MADCAM1: variants seen among roughly 807,000 people sequenced by gnomAD.
MADCAM1 encodes the protein mucosal addressin cell adhesion molecule 1.
A neutral mutation model predicts 26.1 loss-of-function variants in MADCAM1; 19 were observed. The observed-to-expected ratio is 0.73, with a 90% CI of 0.51 to 1.07. The LOEUF is 1.07. Ranked by LOEUF, MADCAM1 falls within the 50% of genes least tolerant of loss-of-function variation. MADCAM1 has a pLI of 0.00. For synonymous variants in MADCAM1, 268 were observed against 260.9 expected, an observed-to-expected ratio of 1.03 and a Z score of -0.26; for missense variants, 514 against 542.1, an observed-to-expected ratio of 0.95 and a Z score of 0.51.
At chr19:503,362 A>G (rs1227269040) in intron 4 of MADCAM1, among the ~76,000 whole-genome samples, 1 of 151,094 alleles carries the variant, frequency 6.6e-6, no homozygotes, top group South Asian at 2.1e-4. Flanking sequence ...CGGGCGGATC[A>G]CGAGGTCAGG....
chr19:500,307 G>C (rs1195153072), intron 3 of MADCAM1: 2 of 395,372 alleles, frequency 5.1e-6, no homozygotes, highest in Non-Finnish European at 1.0e-5. Context: ...TTGCCAGTGA[G>C]TGGGGGACCT....
At chr19:503,401 G>GA (rs1372746273) in intron 4 of MADCAM1, among the ~76,000 whole-genome samples, 4 of 151,420 alleles carry the variant, frequency 2.6e-5, no homozygotes, top group Non-Finnish European at 2.9e-5. Flanking sequence ...CTAACACGGT[G>GA]AAACCCCGTC....
At chr19:499,154 A>T (rs2145818651) in intron 3 of MADCAM1, 4 of 557,560 alleles carry the variant, frequency 7.2e-6, no homozygotes, top group South Asian at 6.1e-5. Context: ...CCCCCTCCTC[A>T]TTCTGCTGCA....
At chr19:496,609 AGGAGGGGGCTCAGGAGAGG>A (rs1976573007) in intron 1 of MADCAM1, 58 bp downstream of exon 1, 9 of 606,312 alleles carry the variant, frequency 1.5e-5, no homozygotes, top group African/African-American at 4.3e-5. Context: ...CTCAGGAGAG[AGGAGGGGGCTCAGGAGAGG>A]GGAGGGGGCT....
chr19:504,191 T>A (rs1221486949), intron 4 of MADCAM1, among the ~76,000 whole-genome samples: 1 of 151,884 alleles, frequency 6.6e-6, no homozygotes, highest in African/African-American at 2.4e-5. Context: ...GACTAAGTCT[T>A]CAAAGTGCAG....
chr19:500,870 A>G (rs896602006), intron 3 of MADCAM1, among the ~76,000 whole-genome samples: 1 of 151,372 alleles, frequency 6.6e-6, no homozygotes, highest in Non-Finnish European at 1.5e-5. Context: ...ACTCCATCTC[A>G]ACAACAACAA....
At chr19:502,168 T>G (rs1978380956) in intron 4 of MADCAM1, among the ~76,000 whole-genome samples, 1 of 152,224 alleles carries the variant, frequency 6.6e-6, no homozygotes, top group Non-Finnish European at 1.5e-5. Flanking sequence ...TCCAGTGGGC[T>G]TCTCTTAACT....
chr19:497,977 G>T lies in MADCAM1; in HGVS notation c.197G>T (p.Ser66Ile). The T allele has an allele frequency of 6.7e-7, 1 of 1,497,936 alleles. No homozygotes were observed. Among genetic ancestry groups the T allele is most frequent in the Non-Finnish European group, 8.9e-7 (1 of 1,129,940 alleles). 92.8% of individuals were successfully genotyped at this position (1,497,936 alleles called of 1,614,324 possible). A position where few individuals can be genotyped will look rare whatever the true frequency, so the allele number is the denominator to read the frequency against. Residue 66 changes from serine (S) to isoleucine (I), a missense_variant, in exon 2 of 5, where the codon AGC (serine) becomes ATC (isoleucine). By Grantham distance (142) the Ser-to-Ile change is moderately radical (BLOSUM62 -2). Coordinates refer to ENST00000215637, the MANE Select transcript of MADCAM1 (RefSeq NM_130760.3). ...GTGCAGTGGCGGGGCCTGGACACCA[G>T]CCTGGGCGCGGTGCAGTCGGACACG... ...ASVQWRGLDTSLGAVQSDTGR... is the reference protein window; with the variant it reads ...ASVQWRGLDTILGAVQSDTGR...
At chr19:504,503 C>T (rs1161465031) in intron 4 of MADCAM1, among the ~76,000 whole-genome samples, 2 of 152,174 alleles carry the variant, frequency 1.3e-5, no homozygotes, top group Non-Finnish European at 2.9e-5. Context: ...CGTGATCCAC[C>T]CGCTTTGGCC....
chr19:505,233 A>G lies in MADCAM1; in HGVS notation c.*268A>G, dbSNP rs993031519. 2.0e-5 allele frequency: 8 copies of G among 392,682 alleles called. No homozygotes were observed. The highest frequency in any genetic ancestry group is 3.6e-5 in the Non-Finnish European group (8 of 219,548). 24.3% of individuals were successfully genotyped at this position (392,682 alleles called of 1,614,324 possible). A position where few individuals can be genotyped will look rare whatever the true frequency, so the allele number is the denominator to read the frequency against. On this transcript the variant is annotated 3_prime_UTR_variant, in exon 5 of 5. Coordinates refer to ENST00000215637, the MANE Select transcript of MADCAM1 (RefSeq NM_130760.3). ...ACGTACTTTTTACATACATTGATTC[A>G]TGTCTCACGTCTCCCTAAAAATGCG...
intron 4 of MADCAM1, 97 bp downstream of exon 4, chr19:502,026 C>A: frequency 7.8e-7 from 1 of 1,279,898 alleles, no homozygotes; most frequent in Non-Finnish European, 1.0e-6. Flanking sequence ...CCTGCCCAGC[C>A]TTGGTTTCCC....
At chr19:498,248 G>C in intron 2 of MADCAM1, 131 bp downstream of exon 2, 1 of 1,023,206 alleles carries the variant, frequency 9.8e-7, no homozygotes, top group Non-Finnish European at 1.3e-6. Flanking sequence ...CCGAAGCCAG[G>C]TCCCCGGCCT....
rs1332516605 is a variant in MADCAM1, at chr19:498,734, G to A, written c.576G>A (p.Pro192=). The change falls in exon 3 of 5, where the codon CCG becomes CCA. Residue 192 remains proline (P), a synonymous_variant. Coordinates refer to ENST00000215637, the MANE Select transcript of MADCAM1 (RefSeq NM_130760.3). ...LFRVTERWRL[P]PLGTPVPPAL... ...GGGTGACAGAGCGCTGGCGGCTGCC[G>A]CCCCTGGGGACCCCTGTCCCGCCCG... 4.8e-6 allele frequency: 7 copies of A among 1,460,048 alleles called. No homozygotes were observed. Among genetic ancestry groups the A allele is most frequent in the East Asian group, 2.6e-5 (1 of 38,776 alleles). 90.4% of individuals were successfully genotyped at this position (1,460,048 alleles called of 1,614,324 possible).
In MADCAM1 at chr19:504,840, T is replaced by G; in HGVS notation, c.1024T>G (p.Trp342Gly). Reference protein sequence around the residue: ...LLLALPTYHLWKRCRHLAEDD... With the variant: ...LLLALPTYHLGKRCRHLAEDD... ...CCTGGCCTTGCCCACCTATCACCTC[T>G]GGAAACGCTGCCGGCACCTGGCTGA... The change falls in exon 5 of 5, where the codon TGG becomes GGG. Residue 342 changes from tryptophan to glycine, a missense_variant. Physicochemically the swap from Trp to Gly is radical, Grantham distance 184 (BLOSUM62 -2). Transcript: ENST00000215637. 1 of 1,612,978 alleles carries G rather than the reference T, an allele frequency of 6.2e-7. No individual in the cohort carries two copies. The highest frequency in any genetic ancestry group is 8.5e-7 in the Non-Finnish European group (1 of 1,179,968).
intron 3 of MADCAM1, 181 bp downstream of exon 3, chr19:499,006 C>T: frequency 1.1e-6 from 1 of 947,870 alleles, no homozygotes; most frequent in Non-Finnish European, 1.6e-6. Context: ...ACCTGCCCCC[C>T]AGCACAGGTC....
In MADCAM1 at chr19:496,544, C is replaced by A; in HGVS notation, c.45C>A (p.Leu15=). ...LALLLAGLLG[L]LLGQSLQVKP... is the part of the protein sequence containing the mutation. Reference sequence around the variant, plus strand: ...TCCTGCTGGCGGGGCTTCTGGGGCTCCTCCTCGGTGAGAAGGGGAGGGGGC... The same window carrying A: ...TCCTGCTGGCGGGGCTTCTGGGGCTACTCCTCGGTGAGAAGGGGAGGGGGC... Residue 15 remains leucine (L), a synonymous_variant, in exon 1 of 5, where the codon CTC becomes CTA. Coordinates refer to ENST00000215637, the MANE Select transcript of MADCAM1 (RefSeq NM_130760.3). 7.7e-7 allele frequency: 1 copy of A among 1,302,532 alleles called. No individual in the cohort carries two copies. The highest frequency in any genetic ancestry group is 2.8e-5 in the East Asian group (1 of 35,330). 80.7% of individuals were successfully genotyped at this position (1,302,532 alleles called of 1,614,324 possible).
In MADCAM1 at chr19:504,883, C is replaced by G; in HGVS notation, c.1067C>G (p.Pro356Arg). Residue 356 changes from proline to arginine, a missense_variant, in exon 5 of 5, where the codon CCA (proline) becomes CGA (arginine). Physicochemically the swap from Pro to Arg is moderately radical, Grantham distance 103 (BLOSUM62 -2). Transcript: ENST00000215637. The part of the protein sequence containing the change: ...RHLAEDDTHP[P>R]ASLRLLPQVS... The stretch of plus-strand genomic sequence containing the variant: ...CTGGCTGAGGACGACACCCACCCAC[C>G]AGCTTCTCTGAGGCTTCTGCCCCAG... The G allele has an allele frequency of 6.2e-7, 1 of 1,613,010 alleles. No homozygotes were observed. The highest frequency in any genetic ancestry group is 8.5e-7 in the Non-Finnish European group (1 of 1,179,976).
chr19:502,063 C>A, intron 4 of MADCAM1, 134 bp downstream of exon 4: 2 of 1,029,094 alleles, frequency 1.9e-6, no homozygotes, highest in Non-Finnish European at 1.3e-6. Context: ...GTTTCCCCGT[C>A]TGCCCAGCCT....
At chr19:503,452 G>A (rs922024445) in intron 4 of MADCAM1, among the ~76,000 whole-genome samples, 2 of 149,346 alleles carry the variant, frequency 1.3e-5, no homozygotes, top group Non-Finnish European at 3.0e-5. Context: ...GTGGCAGCGG[G>A]CGCCTGTAGT....
Sources: gnomAD v4.1 joint callset for allele counts (sites outside exome capture counted in the v4.1 genomes callset) on GRCh38, gnomAD v4.1.1 for gene constraint, MANE v1.5 for transcripts, NCBI Gene and HGNC (gene_info 2026-07-23, HGNC 2026-07-21) for gene names.